The following PDZRN4 variants were observed in gnomAD, a reference collection of about 807,000 sequenced individuals.
PDZRN4 encodes PDZ domain-containing RING finger protein 4.
A neutral mutation model predicts 99.0 loss-of-function variants in PDZRN4; 70 were observed. The ratio of observed to expected loss-of-function variants is 0.71; its 90% CI spans 0.58 to 0.86. The LOEUF is 0.86. PDZRN4 is among the 40% of genes least tolerant of loss of function. The probability of loss-of-function intolerance (pLI) is 0.00; values close to 1 mark genes in which losing one functional copy is unlikely to be tolerated. For missense variants in PDZRN4, 1,474 were observed against 1,331.2 expected, an observed-to-expected ratio of 1.11 and a Z score of -1.67; for synonymous variants, 551 against 501.6, an observed-to-expected ratio of 1.10 and a Z score of -1.32.
chr12:41,503,836 T>C (rs1184676296), intron 3 of PDZRN4, among the ~76,000 whole-genome samples: 1 of 152,040 alleles, frequency 6.6e-6, no homozygotes. Flanking sequence ...TGGTCACGAG[T>C]TTTTCACTTT....
rs114321758 is a variant in PDZRN4 at position 41,574,743 on chromosome 12, A to G, written c.*853A>G. Among the ~76,000 whole-genome samples, 8 of 152,322 alleles carry G rather than the reference A, an allele frequency of 5.3e-5. No homozygotes were observed. Among genetic ancestry groups the G allele is most frequent in the African/African-American group, 1.9e-4 (8 of 41,570 alleles). ...ATAAAGTTGTATTGAAACATTCCCT[A>G]TAGATCACTGTGTCACATATGCCTA... On this transcript the variant is annotated 3_prime_UTR_variant, in exon 10 of 10. Coordinates refer to ENST00000402685, the MANE Select transcript of PDZRN4 (RefSeq NM_001164595.2).
chr12:41,431,651 T>C (rs1232261289), intron 3 of PDZRN4, among the ~76,000 whole-genome samples: 1 of 152,256 alleles, frequency 6.6e-6, no homozygotes, highest in Non-Finnish European at 1.5e-5. Context: ...TGAAATGTTA[T>C]GCTCTTTCTT....
intron 3 of PDZRN4, among the ~76,000 whole-genome samples, chr12:41,259,526 C>T (rs143028343): frequency 2.9e-4 from 44 of 152,202 alleles, no homozygotes; most frequent in Admixed American, 5.2e-4. Context: ...TGAAATTAGA[C>T]TGAGGGTTGG....
At chr12:41,320,213 C>G (rs1462560373) in intron 3 of PDZRN4, among the ~76,000 whole-genome samples, 1 of 152,190 alleles carries the variant, frequency 6.6e-6, no homozygotes. Context: ...TCCCACTTCA[C>G]ATTCCTTGGC....
chr12:41,201,578 T>C (rs1950816411), intron 3 of PDZRN4, among the ~76,000 whole-genome samples: 1 of 152,112 alleles, frequency 6.6e-6, no homozygotes, highest in Non-Finnish European at 1.5e-5. Context: ...GAATTTTCTT[T>C]GAATGATGGA....
rs573049456 is a variant in PDZRN4, at chr12:41,399,911, A to G, written c.844-106545A>G. Among the ~76,000 whole-genome samples, 264 of 152,044 alleles carry G rather than the reference A, an allele frequency of 1.7e-3. 2 individuals carry two copies. The highest frequency in any genetic ancestry group is 5.9e-3 in the African/African-American group (245 of 41,472). On this transcript the variant is annotated intron_variant, in intron 3 of 9. Transcript: ENST00000402685. ...AGCTTCTTCTCTCTTGGCCTGATAA[A>G]GGAGGCTCCACACATTCTGCAAAGG...
intron 5 of PDZRN4, among the ~76,000 whole-genome samples, chr12:41,544,723 GAT>G (rs546508662): frequency 6.0e-4 from 92 of 152,304 alleles, no homozygotes; most frequent in Admixed American, 1.7e-3. Flanking sequence ...GTGAAATTTT[GAT>G]AGAGGACTTC....
At chr12:41,284,767 A>G (rs1951411590) in intron 3 of PDZRN4, among the ~76,000 whole-genome samples, 1 of 152,096 alleles carries the variant, frequency 6.6e-6, no homozygotes, top group Non-Finnish European at 1.5e-5. Flanking sequence ...AAAGGATTCC[A>G]TGTTTAATAA....
At chr12:41,370,134 CA>C (rs1463861040) in intron 3 of PDZRN4, among the ~76,000 whole-genome samples, 3 of 151,904 alleles carry the variant, frequency 2.0e-5, no homozygotes, top group Non-Finnish European at 4.4e-5. Flanking sequence ...TTTTTACAGT[CA>C]ATGCTATTTG....
intron 7 of PDZRN4, among the ~76,000 whole-genome samples, chr12:41,557,320 C>T (rs888978131): frequency 6.6e-6 from 1 of 152,072 alleles, no homozygotes; most frequent in Non-Finnish European, 1.5e-5. Context: ...ATCCAGGGAG[C>T]GATAAGCTGT....
intron 3 of PDZRN4, among the ~76,000 whole-genome samples, chr12:41,285,599 C>T (rs1951417388): frequency 6.6e-6 from 1 of 152,102 alleles, no homozygotes; most frequent in Non-Finnish European, 1.5e-5. Flanking sequence ...AGAGTTGGAA[C>T]CAACCAAATA....
In PDZRN4 at chr12:41,509,674, T is replaced by A. The variant is rs1209126612; in HGVS notation, c.1101-137T>A. 1.2e-5 allele frequency: 6 copies of A among 492,492 alleles called. No homozygotes were observed. The Admixed American group carries it at 1.9e-4, about 15-fold the overall frequency. 30.5% of individuals were successfully genotyped at this position (492,492 alleles called of 1,614,324 possible). A position where few individuals can be genotyped will look rare whatever the true frequency, so the allele number is the denominator to read the frequency against. ...AGAAAAGCTATTGCTTTTCCTCAGCTGTAGTTTGTTTAAAGACTAGATCAC... is the reference window on the plus strand; with the variant it reads ...AGAAAAGCTATTGCTTTTCCTCAGCAGTAGTTTGTTTAAAGACTAGATCAC... On this transcript the variant is annotated intron_variant, in intron 4 of 9. Transcript: ENST00000402685.
intron 3 of PDZRN4, among the ~76,000 whole-genome samples, chr12:41,317,758 G>A (rs1372920454): frequency 1.3e-5 from 2 of 151,926 alleles, no homozygotes; most frequent in African/African-American, 4.8e-5. Flanking sequence ...GTTATACATG[G>A]ACTCCGGGCT....
At chr12:41,542,754 G>T (rs1445991270) in intron 5 of PDZRN4, among the ~76,000 whole-genome samples, 3 of 152,168 alleles carry the variant, frequency 2.0e-5, no homozygotes, top group African/African-American at 7.2e-5. Context: ...AAGATAGAAG[G>T]CAAGTTAGAT....
chr12:41,280,242 G>T (rs989447051), intron 3 of PDZRN4, among the ~76,000 whole-genome samples: 1 of 152,160 alleles, frequency 6.6e-6, no homozygotes, highest in African/African-American at 2.4e-5. Flanking sequence ...TCCCTCGGGT[G>T]CCTACACCAC....
chr12:41,458,420 G>C (rs984958949), intron 3 of PDZRN4, among the ~76,000 whole-genome samples: 10 of 152,184 alleles, frequency 6.6e-5, no homozygotes, highest in African/African-American at 2.2e-4. Flanking sequence ...GCCTGCCAAA[G>C]TGCTGGAATT....
chr12:41,226,663 C>T (rs528448527), intron 3 of PDZRN4, among the ~76,000 whole-genome samples: 57 of 152,202 alleles, frequency 3.7e-4, no homozygotes, highest in African/African-American at 1.3e-3. Context: ...CAGTGAAGGT[C>T]ATAAAAAATG....
At chr12:41,208,463 T>C (rs1034999995) in intron 3 of PDZRN4, among the ~76,000 whole-genome samples, 4 of 151,958 alleles carry the variant, frequency 2.6e-5, no homozygotes, top group African/African-American at 9.7e-5. Context: ...AGTTTAGGGA[T>C]TTAGCTTTTA....
At chr12:41,308,698 G>A (rs1428884698) in intron 3 of PDZRN4, among the ~76,000 whole-genome samples, 1 of 152,078 alleles carries the variant, frequency 6.6e-6, no homozygotes, top group Non-Finnish European at 1.5e-5. Flanking sequence ...AAAAGCTTTG[G>A]GGTATGTGTT....
Sources: gnomAD v4.1 joint callset for allele counts (sites outside exome capture counted in the v4.1 genomes callset) on GRCh38, gnomAD v4.1.1 for gene constraint, MANE v1.5 for transcripts, NCBI Gene and HGNC (gene_info 2026-07-23, HGNC 2026-07-21) for gene names.